PLCB1: variants seen among roughly 807,000 people sequenced by gnomAD.
PLCB1 encodes 1-phosphatidylinositol 4,5-bisphosphate phosphodiesterase beta-1.
In PLCB1, 46 loss-of-function variants were observed where a neutral mutation model predicts 161.8. The observed-to-expected ratio is 0.28, with a 90% CI of 0.22 to 0.36. PLCB1 has a LOEUF of 0.36. Among genes scored for constraint, PLCB1 ranks in the 10% least tolerant of loss-of-function variants. PLCB1 has a pLI of 1.00. For synonymous variants in PLCB1, 517 were observed against 503.7 expected, an observed-to-expected ratio of 1.03 and a Z score of -0.35; for missense variants, 1,016 against 1,472.5, an observed-to-expected ratio of 0.69 and a Z score of 5.07.
intron 2 of PLCB1, among the ~76,000 whole-genome samples, chr20:8,223,024 A>ATTTT (rs1248349593): frequency 6.6e-6 from 1 of 152,152 alleles, no homozygotes; most frequent in Non-Finnish European, 1.5e-5. Flanking sequence ...TGTCCACTTA[A>ATTTT]AACAAGCAAA....
chr20:8,499,349 G>A (rs188391632), intron 3 of PLCB1, among the ~76,000 whole-genome samples: 5 of 152,208 alleles, frequency 3.3e-5, no homozygotes, highest in East Asian at 1.9e-4. Flanking sequence ...TTCACCTGAC[G>A]TGTTGAACAT....
chr20:8,614,719 C>A (rs1240609325), intron 3 of PLCB1, among the ~76,000 whole-genome samples: 2 of 151,192 alleles, frequency 1.3e-5, no homozygotes, highest in Non-Finnish European at 2.9e-5. Context: ...TAATTTCAAC[C>A]AAATTAAAAA....
At chr20:8,458,617 G>T (rs1481132572) in intron 3 of PLCB1, among the ~76,000 whole-genome samples, 2 of 152,040 alleles carry the variant, frequency 1.3e-5, no homozygotes, top group Non-Finnish European at 2.9e-5. Context: ...GAGACTTGGG[G>T]GCATATATTT....
chr20:8,244,405 A>G (rs113439552), intron 2 of PLCB1, among the ~76,000 whole-genome samples: 1 of 152,000 alleles, frequency 6.6e-6, no homozygotes, highest in East Asian at 1.9e-4. Context: ...TCAGCAATAA[A>G]AAGAATGAAC....
At chr20:8,473,499 C>T (rs2122722268) in intron 3 of PLCB1, among the ~76,000 whole-genome samples, 1 of 152,222 alleles carries the variant, frequency 6.6e-6, no homozygotes, top group South Asian at 2.1e-4. Flanking sequence ...TCCTGAATCT[C>T]CTTTGAACAT....
At chr20:8,447,434 C>T (rs1443158742) in intron 3 of PLCB1, among the ~76,000 whole-genome samples, 3 of 152,160 alleles carry the variant, frequency 2.0e-5, no homozygotes, top group Non-Finnish European at 4.4e-5. Flanking sequence ...CAAAAACTCT[C>T]CAGACAATAC....
intron 3 of PLCB1, among the ~76,000 whole-genome samples, chr20:8,402,727 C>CCTAG (rs1332655887): frequency 6.6e-6 from 1 of 151,238 alleles, no homozygotes; most frequent in Non-Finnish European, 1.5e-5. Context: ...CGCCTGTAGT[C>CCTAG]CTAGCTACTC....
At chr20:8,308,136 A>G (rs1037423784) in intron 2 of PLCB1, among the ~76,000 whole-genome samples, 2 of 152,066 alleles carry the variant, frequency 1.3e-5, no homozygotes, top group Admixed American at 1.3e-4. Flanking sequence ...ACAGTTTTTC[A>G]TATTATAGCC....
intron 11 of PLCB1, among the ~76,000 whole-genome samples, chr20:8,701,827 T>C (rs1978379870): frequency 6.6e-6 from 1 of 152,218 alleles, no homozygotes; most frequent in African/African-American, 2.4e-5. Flanking sequence ...ATCAGATAAG[T>C]GAATTTGTCT....
chr20:8,808,227 C>T (rs1984635506), intron 31 of PLCB1, among the ~76,000 whole-genome samples: 1 of 152,166 alleles, frequency 6.6e-6, no homozygotes. Flanking sequence ...TATTTTTTCA[C>T]AATTCTGGAG....
At chr20:8,611,623 G>A (rs530171028) in intron 3 of PLCB1, among the ~76,000 whole-genome samples, 1 of 152,182 alleles carries the variant, frequency 6.6e-6, no homozygotes, top group South Asian at 2.1e-4. Flanking sequence ...ATAACCAGGA[G>A]GCCTAGTAAT....
chr20:8,181,371 C>T (rs559210541), intron 2 of PLCB1, among the ~76,000 whole-genome samples: 1 of 151,980 alleles, frequency 6.6e-6, no homozygotes, highest in South Asian at 2.1e-4. Context: ...CTTTCCAATG[C>T]CATTGTGCAT....
chr20:8,391,141 T>C (rs1299714913), intron 3 of PLCB1, among the ~76,000 whole-genome samples: 2 of 152,096 alleles, frequency 1.3e-5, no homozygotes, highest in Non-Finnish European at 2.9e-5. Flanking sequence ...AGATTGTCAC[T>C]ATAATCTATA....
At chr20:8,451,447 A>T (rs1331038897) in intron 3 of PLCB1, among the ~76,000 whole-genome samples, 1 of 152,156 alleles carries the variant, frequency 6.6e-6, no homozygotes, top group Non-Finnish European at 1.5e-5. Context: ...TCCTGGGTTC[A>T]AGCGATTCTC....
intron 3 of PLCB1, among the ~76,000 whole-genome samples, chr20:8,525,509 C>T (rs532583202): frequency 1.3e-5 from 2 of 152,252 alleles, no homozygotes; most frequent in East Asian, 3.9e-4. Context: ...AAAAACTGTA[C>T]TGAGGGGACA....
chr20:8,509,994 CTTA>C (rs906000029), intron 3 of PLCB1, among the ~76,000 whole-genome samples: 1 of 152,148 alleles, frequency 6.6e-6, no homozygotes, highest in African/African-American at 2.4e-5. Context: ...TTGTGAAACA[CTTA>C]TTATTCACCA....
chr20:8,789,599 T>G, intron 30 of PLCB1, 24 bp downstream of exon 30: 1 of 1,559,074 alleles, frequency 6.4e-7, no homozygotes, highest in Non-Finnish European at 8.8e-7. Context: ...TCACGCTCTC[T>G]CCTTTGCAAA....
intron 2 of PLCB1, among the ~76,000 whole-genome samples, chr20:8,370,501 C>T (rs1434801430): frequency 6.6e-6 from 1 of 152,174 alleles, no homozygotes; most frequent in Non-Finnish European, 1.5e-5. Flanking sequence ...GCAATGTTCT[C>T]TGTCTCTAAG....
At chr20:8,148,385 G>A (rs2051476034) in intron 1 of PLCB1, among the ~76,000 whole-genome samples, 1 of 152,096 alleles carries the variant, frequency 6.6e-6, no homozygotes, top group Non-Finnish European at 1.5e-5. Context: ...AAGTAATTGG[G>A]AAATTTTAAA....
Sources: allele counts gnomAD v4.1 joint callset (sites outside exome capture counted in the v4.1 genomes callset), GRCh38; gene constraint gnomAD v4.1.1; transcripts MANE v1.5; gene names NCBI Gene and HGNC (gene_info 2026-07-23, HGNC 2026-07-21).